GOLGA5: variants seen among roughly 807,000 people sequenced by gnomAD.
The protein encoded by GOLGA5 is golgin subfamily A member 5.
Under a neutral mutation model 93.5 loss-of-function variants are expected in GOLGA5, and 50 were observed. The observed-to-expected ratio is 0.53, with a 90% CI of 0.43 to 0.68. The LOEUF (loss-of-function observed/expected upper bound fraction) is 0.68. Among genes scored for constraint, GOLGA5 ranks in the 30% least tolerant of loss-of-function variants. The pLI is 0.00. For missense variants in GOLGA5, 760 were observed against 856.4 expected (o/e 0.89, Z 1.40); for synonymous variants, 312 against 304.5 (o/e 1.02, Z -0.26).
chr14:92,837,829 G>A (rs1040796327), intron 12 of GOLGA5, among the ~76,000 whole-genome samples: 5 of 152,190 alleles, frequency 3.3e-5, no homozygotes, highest in African/African-American at 1.2e-4. Context: ...CTCTCAGAGT[G>A]CTGGGATTTC....
At chr14:92,803,884 T>C (rs1293704955) in intron 2 of GOLGA5, among the ~76,000 whole-genome samples, 1 of 152,244 alleles carries the variant, frequency 6.6e-6, no homozygotes, top group Non-Finnish European at 1.5e-5. Context: ...TGCAATAAAC[T>C]GCACGATAAG....
chr14:92,828,589 C>T (rs1885466344), intron 9 of GOLGA5, among the ~76,000 whole-genome samples: 1 of 152,168 alleles, frequency 6.6e-6, no homozygotes, highest in Non-Finnish European at 1.5e-5. Context: ...GAAATCATAC[C>T]TGCCAATACA....
chr14:92,822,900 C>G (rs1885344761), intron 8 of GOLGA5, among the ~76,000 whole-genome samples: 1 of 152,082 alleles, frequency 6.6e-6, no homozygotes, highest in African/African-American at 2.4e-5. Context: ...CTCAAGTGAT[C>G]CACCTGCCTC....
chr14:92,818,789 G>A (rs1293324138), intron 7 of GOLGA5, among the ~76,000 whole-genome samples: 1 of 152,166 alleles, frequency 6.6e-6, no homozygotes, highest in Admixed American at 6.5e-5. Flanking sequence ...CTTCTGTTGT[G>A]CCATATGAAT....
chr14:92,812,794 G>A (rs745977319), intron 6 of GOLGA5, among the ~76,000 whole-genome samples: 2 of 151,988 alleles, frequency 1.3e-5, no homozygotes, highest in Non-Finnish European at 2.9e-5. Context: ...TCTCTTGGGC[G>A]CTCTTCCCAA....
At chr14:92,832,774 C>T (rs1472941999) in intron 9 of GOLGA5, among the ~76,000 whole-genome samples, 1 of 152,118 alleles carries the variant, frequency 6.6e-6, no homozygotes, top group African/African-American at 2.4e-5. Flanking sequence ...TTGACCATGA[C>T]GCCTCAGTGA....
intron 5 of GOLGA5, 196 bp downstream of exon 5, chr14:92,810,573 A>G (rs1420076939): frequency 2.2e-5 from 8 of 371,608 alleles, no homozygotes; most frequent in Non-Finnish European, 3.3e-5. Flanking sequence ...GTGTTGAGAG[A>G]CAATTAAAAT....
chr14:92,839,180 T>G (rs1466859761), intron 12 of GOLGA5, among the ~76,000 whole-genome samples, 186 bp from the exon 13 acceptor site: 1 of 152,232 alleles, frequency 6.6e-6, no homozygotes, highest in Non-Finnish European at 1.5e-5. Context: ...CTGAATTCTG[T>G]AGGAGTAGCA....
intron 1 of GOLGA5, among the ~76,000 whole-genome samples, chr14:92,794,796 G>C (rs1429117109): frequency 1.3e-5 from 2 of 152,178 alleles, no homozygotes; most frequent in Admixed American, 1.3e-4. Flanking sequence ...GACTGGGCCT[G>C]ACCGACTGAC....
chr14:92,822,104 T>G (rs895890236), intron 8 of GOLGA5, among the ~76,000 whole-genome samples: 1 of 152,234 alleles, frequency 6.6e-6, no homozygotes, highest in African/African-American at 2.4e-5. Context: ...TTAATTTAAG[T>G]AACACCAACC....
chr14:92,829,670 A>T (rs915874150), intron 9 of GOLGA5, among the ~76,000 whole-genome samples: 3 of 152,238 alleles, frequency 2.0e-5, no homozygotes, highest in Non-Finnish European at 4.4e-5. Context: ...TTTGGTGAAG[A>T]TGCTGTGAAC....
At chr14:92,815,746 C>G (rs1451413676) in intron 6 of GOLGA5, among the ~76,000 whole-genome samples, 1 of 142,506 alleles carries the variant, frequency 7.0e-6, no homozygotes, top group East Asian at 2.0e-4. Context: ...CTCTGTCACC[C>G]AGGCTGGAGT....
At chr14:92,827,620 C>T (rs1227652363) in intron 9 of GOLGA5, among the ~76,000 whole-genome samples, 1 of 152,174 alleles carries the variant, frequency 6.6e-6, no homozygotes, top group African/African-American at 2.4e-5. Context: ...AGTCAGATGT[C>T]TCTCACATTA....
At chr14:92,803,715 A>G (rs997916719) in intron 2 of GOLGA5, among the ~76,000 whole-genome samples, 1 of 152,228 alleles carries the variant, frequency 6.6e-6, no homozygotes, top group African/African-American at 2.4e-5. Context: ...AACGCAACCA[A>G]ACATTAGTTA....
chr14:92,817,916 A>G (rs1566957164), intron 7 of GOLGA5, among the ~76,000 whole-genome samples: 1 of 152,208 alleles, frequency 6.6e-6, no homozygotes, highest in Non-Finnish European at 1.5e-5. Flanking sequence ...AGGATAATAT[A>G]TGAAGAGCCT....
At chr14:92,800,366 A>C (rs559939726) in intron 2 of GOLGA5, among the ~76,000 whole-genome samples, 36 of 152,356 alleles carry the variant, frequency 2.4e-4, no homozygotes, top group Non-Finnish European at 4.0e-4. Flanking sequence ...GCCAGGTAAA[A>C]AGTTAGAGAC....
rs753111150 is a variant in GOLGA5 at position 92,839,502 on chromosome 14, A to G, written c.*56A>G. 5.1e-6 allele frequency: 6 copies of G among 1,174,868 alleles called. No homozygotes were observed. Among genetic ancestry groups the G allele is most frequent in the South Asian group, 1.2e-5 (1 of 82,068 alleles). The allele number at this position is 1,174,868 out of a possible 1,614,324, so 72.8% of individuals were successfully genotyped here. ...TCTTTTTCTAGACTTGGGATCTGCA[A>G]GAAGGCCAATTGCCTAAAATTTCTG... On this transcript the variant is annotated 3_prime_UTR_variant, in exon 13 of 13. Coordinates refer to ENST00000163416, the MANE Select transcript of GOLGA5 (RefSeq NM_005113.4).
intron 9 of GOLGA5, among the ~76,000 whole-genome samples, chr14:92,827,024 T>G (rs142615930): frequency 3.2e-3 from 483 of 152,240 alleles, no homozygotes; most frequent in Middle Eastern, 0.014. Context: ...AGCCACAGAT[T>G]GGGAAATAAT....
At chr14:92,815,204 T>A (rs200925680) in intron 6 of GOLGA5, among the ~76,000 whole-genome samples, 1 of 152,232 alleles carries the variant, frequency 6.6e-6, no homozygotes, top group East Asian at 1.9e-4. Flanking sequence ...TTACAGACTT[T>A]GTGTGCTTTT....
Sources: allele counts gnomAD v4.1 joint callset (sites outside exome capture counted in the v4.1 genomes callset), GRCh38; gene constraint gnomAD v4.1.1; transcripts MANE v1.5; gene names NCBI Gene and HGNC (gene_info 2026-07-23, HGNC 2026-07-21).